The following TENM3 variants were observed in gnomAD, a reference collection of about 807,000 sequenced individuals.
The protein encoded by TENM3 is teneurin transmembrane protein 3.
A neutral mutation model predicts 255.1 loss-of-function variants in TENM3; 63 were observed. That is an observed-to-expected ratio of 0.25 (90% confidence interval 0.20 to 0.30). TENM3 has a LOEUF of 0.30. Ranked by LOEUF, TENM3 falls within the 10% of genes least tolerant of loss-of-function variation. The pLI, the probability that TENM3 is intolerant of heterozygous loss-of-function variation, is 1.00. For synonymous variants in TENM3, 1,306 were observed against 1,322.3 expected, an observed-to-expected ratio of 0.99 and a Z score of 0.27; for missense variants, 2,929 against 3,461.1, an observed-to-expected ratio of 0.85 and a Z score of 3.86.
chr4:182,600,633 TAATA>T (rs1039338856), intron 3 of TENM3, among the ~76,000 whole-genome samples: 2 of 152,020 alleles, frequency 1.3e-5, no homozygotes, highest in African/African-American at 4.8e-5. Context: ...CTGTAGGTGT[TAATA>T]AAACCAGATG....
chr4:182,620,127 G>A (rs1346524677), intron 4 of TENM3, among the ~76,000 whole-genome samples: 12 of 152,056 alleles, frequency 7.9e-5, no homozygotes, highest in South Asian at 6.2e-4. Context: ...TGTATGACTC[G>A]GCAGAGTCAC....
rs1162207513 is a variant in TENM3, at chr4:182,353,696, G to A, written c.511+6767G>A. Among the ~76,000 whole-genome samples, 5 of 152,324 alleles carry A rather than the reference G, an allele frequency of 3.3e-5. No homozygotes were observed. In the East Asian group the frequency reaches 7.7e-4, roughly 23 times the overall value. On this transcript the variant is annotated intron_variant, in intron 3 of 27. Coordinates refer to ENST00000511685, the MANE Select transcript of TENM3 (RefSeq NM_001080477.4). ...AGTTATGATTTAACTGGCTGGGCGT[G>A]GTGGCTCACGCCTGTAATCCCAGCA...
intron 3 of TENM3, among the ~76,000 whole-genome samples, chr4:182,439,896 C>G (rs946441496): frequency 2.6e-5 from 4 of 152,146 alleles, no homozygotes; most frequent in Admixed American, 2.0e-4. Context: ...ACTTCCCAGA[C>G]GGTGCCTTCT....
chr4:182,313,815 C>A (rs545296783), intron 1 of TENM3, among the ~76,000 whole-genome samples: 1 of 152,064 alleles, frequency 6.6e-6, no homozygotes, highest in Non-Finnish European at 1.5e-5. Context: ...TTTTCCTCAC[C>A]CTCATTTTAG....
At chr4:182,144,571 TG>T (rs1402118534), upstream of TENM3, 7 of 147,478 alleles carry the variant, frequency 4.7e-5, no homozygotes, top group South Asian at 1.5e-3. Flanking sequence ...GGAAGGAAGT[TG>T]TAACACTCGC....
At chr4:181,966,585 A>T in the TENM3 span, among the ~76,000 whole-genome samples, 22 of 152,220 alleles carry the variant, frequency 1.4e-4, no homozygotes, top group Admixed American at 9.2e-4. Flanking sequence ...AGCTGAAATC[A>T]TCTTATCTCC....
At chr4:181,811,379 A>T in the TENM3 span, among the ~76,000 whole-genome samples, 1 of 152,206 alleles carries the variant, frequency 6.6e-6, no homozygotes, top group Non-Finnish European at 1.5e-5. Flanking sequence ...AGAAGTGGTA[A>T]TTAAGCCTGT....
At position 182,731,091 on chromosome 4, in the gene TENM3, C is replaced by A; in HGVS notation, c.2919C>A (p.Thr973=). 6.2e-7 allele frequency: 1 copy of A among 1,613,856 alleles called. No homozygotes were observed. The highest frequency in any genetic ancestry group is 2.2e-5 in the East Asian group (1 of 44,882). The change falls in exon 16 of 28, where the codon ACC becomes ACA. Residue 973 remains threonine (T), a synonymous_variant. Coordinates refer to ENST00000511685, the MANE Select transcript of TENM3 (RefSeq NM_001080477.4). ...NPIIVSSPLS[T]FFRSSPEDSP... ...TCATTGTGTCATCACCTTTATCCAC[C>A]TTTTTCAGATCTTCTCCTGAAGACA...
chr4:181,849,194 C>T, the TENM3 span, among the ~76,000 whole-genome samples: 1 of 152,164 alleles, frequency 6.6e-6, no homozygotes, highest in Non-Finnish European at 1.5e-5. Context: ...AGGAACATTA[C>T]TCCCCTAATT....
the TENM3 span, among the ~76,000 whole-genome samples, chr4:181,605,563 A>AGGG: frequency 2.3e-4 from 7 of 30,514 alleles, no homozygotes; most frequent in African/African-American, 4.7e-4. Flanking sequence ...AGAAAGAAAG[A>AGGG]AAGAAAGAGA....
the TENM3 span, among the ~76,000 whole-genome samples, chr4:182,005,809 G>A: frequency 2.6e-5 from 4 of 151,990 alleles, no homozygotes; most frequent in African/African-American, 9.7e-5. Flanking sequence ...GTATTCCTAG[G>A]TGTTTTACTC....
At chr4:181,526,768 G>C in the TENM3 span, among the ~76,000 whole-genome samples, 46 of 152,074 alleles carry the variant, frequency 3.0e-4, no homozygotes, top group Non-Finnish European at 5.4e-4. Context: ...GCTGTGTATA[G>C]ATTAATAGCA....
At chr4:182,283,112 C>T (rs1388437915) in intron 1 of TENM3, among the ~76,000 whole-genome samples, 2 of 152,080 alleles carry the variant, frequency 1.3e-5, no homozygotes, top group Non-Finnish European at 2.9e-5. Flanking sequence ...TGGATACTTA[C>T]CGCATTTTTA....
At chr4:182,775,849 CAG>C (rs1764647065) in intron 24 of TENM3, among the ~76,000 whole-genome samples, 1 of 152,102 alleles carries the variant, frequency 6.6e-6, no homozygotes, top group African/African-American at 2.4e-5. Context: ...ATGGGAGAAT[CAG>C]AACATCTCTG....
At chr4:182,428,035 C>T (rs1771359080) in intron 3 of TENM3, among the ~76,000 whole-genome samples, 1 of 151,696 alleles carries the variant, frequency 6.6e-6, no homozygotes, top group Non-Finnish European at 1.5e-5. Flanking sequence ...ACAAAAAATG[C>T]ATCTAATGTA....
chr4:181,651,454 G>A, the TENM3 span, among the ~76,000 whole-genome samples: 4 of 152,058 alleles, frequency 2.6e-5, no homozygotes, highest in Admixed American at 1.3e-4. Flanking sequence ...TGGACATGGT[G>A]GCATGTGCCT....
chr4:182,192,528 A>T (rs1323078795), intron 1 of TENM3, among the ~76,000 whole-genome samples: 1 of 152,236 alleles, frequency 6.6e-6, no homozygotes, highest in African/African-American at 2.4e-5. Context: ...GCATACAGTG[A>T]ACGTCAACAG....
At chr4:182,081,501 T>C in the TENM3 span, among the ~76,000 whole-genome samples, 1 of 149,008 alleles carries the variant, frequency 6.7e-6, no homozygotes, top group Non-Finnish European at 1.5e-5. Flanking sequence ...GAAGAATCGC[T>C]TAAACCCGGG....
intron 5 of TENM3, among the ~76,000 whole-genome samples, chr4:182,636,368 C>T (rs1410068466): frequency 6.6e-6 from 1 of 152,056 alleles, no homozygotes; most frequent in East Asian, 1.9e-4. Context: ...AAAGTAAGCT[C>T]CTCCTCTCCC....
Sources: allele counts gnomAD v4.1 joint callset (sites outside exome capture counted in the v4.1 genomes callset), GRCh38; gene constraint gnomAD v4.1.1; transcripts MANE v1.5; gene names NCBI Gene and HGNC (gene_info 2026-07-23, HGNC 2026-07-21).